The following PTK7 variants were observed in gnomAD, a reference collection of about 807,000 sequenced individuals.
PTK7 encodes the protein protein tyrosine kinase 7 (inactive).
A neutral mutation model predicts 116.6 loss-of-function variants in PTK7; 39 were observed. The ratio of observed to expected loss-of-function variants is 0.33; its 90% confidence interval spans 0.26 to 0.44. PTK7 has a LOEUF of 0.44. PTK7 is among the 20% of genes least tolerant of loss of function. The pLI, the probability that PTK7 is intolerant of heterozygous loss-of-function variation, is 1.00. For synonymous variants in PTK7, 546 were observed against 563.6 expected (o/e 0.97, Z 0.44); for missense variants, 1,169 against 1,425.6 (o/e 0.82, Z 2.90).
intron 17 of PTK7, among the ~76,000 whole-genome samples, chr6:43,149,198 C>G (rs866278486): frequency 2.0e-5 from 3 of 151,772 alleles, no homozygotes; most frequent in Non-Finnish European, 4.4e-5. Flanking sequence ...GTGGGGAAAC[C>G]CCATCTCTAC....
In PTK7 at chr6:43,139,149, A is replaced by G. The variant is rs779489202; in HGVS notation, c.1376A>G (p.Glu459Gly). The G allele has an allele frequency of 6.2e-7, 1 of 1,614,146 alleles. No homozygotes were observed. The highest frequency in any genetic ancestry group is 8.5e-7 in the Non-Finnish European group (1 of 1,180,012). Residue 459 changes from glutamate to glycine, a missense_variant, in exon 9 of 20, where the codon GAG (glutamate) becomes GGG (glycine). Glu to Gly is a moderately conservative substitution (Grantham distance 98). This residue lies in a region of PTK7 where 678 missense variants were observed against 853.8 expected (regional missense o/e 0.79). Coordinates refer to ENST00000230419, the MANE Select transcript of PTK7 (RefSeq NM_002821.5). The surrounding 1 kb of genome is among the most constrained non-coding windows in gnomAD (Gnocchi z 4.6). ...CCTGTGCTGCAGGACTCACGGTTCG[A>G]GGTCTTCAAGAATGGGACCTTGCGC... is the stretch of plus-strand genomic sequence containing the variant. The part of the protein sequence containing the change: ...QMLISEDSRF[E>G]VFKNGTLRIN...
At chr6:43,148,915 C>G (rs1297839239) in intron 17 of PTK7, among the ~76,000 whole-genome samples, 2 of 149,668 alleles carry the variant, frequency 1.3e-5, no homozygotes, top group Non-Finnish European at 3.0e-5. Flanking sequence ...AAAAATTAGC[C>G]AGGTGTGGTG....
At chr6:43,084,903 A>C (rs1198139814) in intron 1 of PTK7, among the ~76,000 whole-genome samples, 1 of 152,162 alleles carries the variant, frequency 6.6e-6, no homozygotes, top group Non-Finnish European at 1.5e-5. Context: ...AATGATGTAA[A>C]GTCATCGGAC....
At position 43,132,704 on chromosome 6, in the gene PTK7, T is replaced by A. The variant is rs1769768528; in HGVS notation, c.1228+17T>A. ...CTGTGGCCAGTGAGCACCTTTGCCC[T>A]GAAGGTCAAGGAGAGGTGGAGGGGA... On this transcript the variant is annotated intron_variant, in intron 7 of 19. Coordinates refer to ENST00000230419, the MANE Select transcript of PTK7 (RefSeq NM_002821.5). 1 of 1,554,470 alleles carries A rather than the reference T, an allele frequency of 6.4e-7. No homozygotes were observed. Among genetic ancestry groups the A allele is most frequent in the Non-Finnish European group, 8.7e-7 (1 of 1,148,926 alleles).
chr6:43,094,551 G>A (rs901911690), intron 1 of PTK7, among the ~76,000 whole-genome samples: 1 of 150,664 alleles, frequency 6.6e-6, no homozygotes, highest in Non-Finnish European at 1.5e-5. Context: ...TGCAAGCTCC[G>A]CCTCCTGAGT....
At chr6:43,077,040 C>G in intron 1 of PTK7, 1 of 1,334,914 alleles carries the variant, frequency 7.5e-7, no homozygotes. Context: ...GCGCGCAAAG[C>G]GCGGAGCTTT....
intron 17 of PTK7, among the ~76,000 whole-genome samples, chr6:43,157,360 ATATATTTTTTTTTTTCTT>A (rs1771540553): frequency 6.2e-4 from 5 of 8,026 alleles, no homozygotes; most frequent in African/African-American, 2.2e-3. Context: ...ATATATATAT[ATATATTTTTTTTTTTCTT>A]TTTTTTTTTT....
chr6:43,144,299 A>G (rs1159039503), intron 14 of PTK7, 152 bp from the exon 15 acceptor site: 1 of 821,790 alleles, frequency 1.2e-6, no homozygotes, highest in Non-Finnish European at 1.9e-6. Flanking sequence ...CCCCAGCCCC[A>G]TTATTTCATC....
At chr6:43,144,958 T>C (rs575937750) in intron 15 of PTK7, 3 of 431,898 alleles carry the variant, frequency 6.9e-6, no homozygotes, top group East Asian at 6.8e-5. Flanking sequence ...ATGTTTACCA[T>C]GAGCCACCAA....
At chr6:43,118,689 GTATA>G (rs1768752081) in intron 1 of PTK7, among the ~76,000 whole-genome samples, 3 of 68,676 alleles carry the variant, frequency 4.4e-5, no homozygotes, top group African/African-American at 6.1e-5. Flanking sequence ...ATATATATAT[GTATA>G]TATGTATATA....
chr6:43,144,717 G>T, intron 15 of PTK7, 111 bp downstream of exon 15: 1 of 1,328,978 alleles, frequency 7.5e-7, no homozygotes, highest in Non-Finnish European at 1.0e-6. Context: ...AATGTTAGAG[G>T]TGGAGGGAAG....
intron 1 of PTK7, among the ~76,000 whole-genome samples, chr6:43,114,717 C>A (rs1164186440): frequency 6.6e-6 from 1 of 152,126 alleles, no homozygotes; most frequent in East Asian, 1.9e-4. Context: ...TTTATGTTTC[C>A]CTCTGAAGTG....
intron 7 of PTK7, chr6:43,133,008 C>T (rs764084901): frequency 1.0e-5 from 5 of 487,162 alleles, no homozygotes; most frequent in Non-Finnish European, 1.8e-5. Flanking sequence ...GGTAGCAAAT[C>T]ACCCACCTTA....
chr6:43,124,405 C>T (rs542415245), intron 1 of PTK7, among the ~76,000 whole-genome samples: 42 of 152,326 alleles, frequency 2.8e-4, no homozygotes, highest in African/African-American at 8.9e-4. Context: ...CGGACCAAAG[C>T]CAGGCACAGT....
rs1438275402 is a variant in PTK7 at position 43,161,324 on chromosome 6, C to T, written c.*443C>T. 5.8e-6 allele frequency: 1 copy of T among 172,792 alleles called. No homozygotes were observed. Among genetic ancestry groups the T allele is most frequent in the African/African-American group, 2.4e-5 (1 of 42,200 alleles). 10.7% of individuals were successfully genotyped at this position (172,792 alleles called of 1,614,324 possible). On this transcript the variant is annotated 3_prime_UTR_variant, in exon 20 of 20. Transcript: ENST00000230419. ...CACACAGGGTTAATGAGTCTCTTGG[C>T]CCACTGGTCCCACTTGGGGGTCTAG...
At chr6:43,093,270 A>G (rs1259398901) in intron 1 of PTK7, among the ~76,000 whole-genome samples, 1 of 147,724 alleles carries the variant, frequency 6.8e-6, no homozygotes, top group African/African-American at 2.6e-5. Flanking sequence ...GCTCACTGCA[A>G]TCTCCACCTC....
At chr6:43,101,412 C>G (rs184953153) in intron 1 of PTK7, among the ~76,000 whole-genome samples, 1 of 150,928 alleles carries the variant, frequency 6.6e-6, no homozygotes, top group African/African-American at 2.4e-5. Context: ...ATTAGCCGGG[C>G]GTGGTGGTGG....
intron 1 of PTK7, among the ~76,000 whole-genome samples, chr6:43,079,164 G>C (rs577450597): frequency 1.3e-5 from 2 of 152,294 alleles, no homozygotes; most frequent in South Asian, 2.1e-4. Context: ...GACTCCCTGA[G>C]AATAACAAAA....
chr6:43,133,762 C>T (rs1372646571), intron 7 of PTK7: 5 of 152,214 alleles, frequency 3.3e-5, no homozygotes, highest in African/African-American at 1.2e-4. Flanking sequence ...CTTCCACTTA[C>T]CTTTATGTTA....
Sources: allele counts gnomAD v4.1 joint callset (sites outside exome capture counted in the v4.1 genomes callset), GRCh38; gene constraint gnomAD v4.1.1; regional missense constraint gnomAD v4.1.1; non-coding constraint Gnocchi (gnomAD v3.1); transcripts MANE v1.5; gene names NCBI Gene and HGNC (gene_info 2026-07-23, HGNC 2026-07-21).